MAF: variants seen among roughly 807,000 people sequenced by gnomAD.
MAF encodes the protein MAF bZIP transcription factor, also known as transcription factor Maf.
In MAF, 10 loss-of-function variants were observed where a neutral mutation model predicts 22.0. That is an observed-to-expected ratio of 0.45 (90% CI 0.28 to 0.77). MAF has a LOEUF of 0.77. MAF is among the 30% of genes least tolerant of loss of function. MAF has a pLI of 0.12. For synonymous variants in MAF, 337 were observed against 255.8 expected (o/e 1.32, Z -3.03); for missense variants, 544 against 548.4 (o/e 0.99, Z 0.08).
At chr16:79,436,628 C>CA in the MAF span, among the ~76,000 whole-genome samples, 38 of 152,178 alleles carry the variant, frequency 2.5e-4, no homozygotes, top group African/African-American at 9.2e-4. Context: ...TGGGTTTCAC[C>CA]AAATTGAGAT....
At chr16:79,562,098 C>G in the MAF span, among the ~76,000 whole-genome samples, 1 of 152,200 alleles carries the variant, frequency 6.6e-6, no homozygotes, top group Non-Finnish European at 1.5e-5. Flanking sequence ...AACATTCCCC[C>G]TTTCCATCCC....
At chr16:79,423,262 G>T in the MAF span, among the ~76,000 whole-genome samples, 1 of 152,112 alleles carries the variant, frequency 6.6e-6, no homozygotes, top group Non-Finnish European at 1.5e-5. Flanking sequence ...GCTAAATCTG[G>T]TGAACCTGTT....
At chr16:79,277,638 G>A in the MAF span, among the ~76,000 whole-genome samples, 15 of 152,200 alleles carry the variant, frequency 9.9e-5, no homozygotes, top group African/African-American at 3.4e-4. Context: ...ATGAAGTAGT[G>A]GATGGCTTTA....
At position 79,600,018 on chromosome 16, in the gene MAF, T is replaced by A; in HGVS notation, c.-116A>T. On this transcript the variant is annotated 5_prime_UTR_variant, in exon 1 of 2. Transcript: ENST00000326043. ...AGCCAGCTTGCCGGGCTGGGGCGCTTCTAGCTTGCGCGGCGGTGGCTGGCC... is the reference window on the plus strand; with the variant it reads ...AGCCAGCTTGCCGGGCTGGGGCGCTACTAGCTTGCGCGGCGGTGGCTGGCC... The A allele has an allele frequency of 6.8e-7, 1 of 1,461,562 alleles. No homozygotes were observed. Among genetic ancestry groups the A allele is most frequent in the South Asian group, 1.2e-5 (1 of 84,190 alleles). The allele number at this position is 1,461,562 out of a possible 1,614,324, so 90.5% of individuals were successfully genotyped here.
the MAF span, among the ~76,000 whole-genome samples, chr16:79,259,668 C>T: frequency 6.6e-6 from 1 of 152,090 alleles, no homozygotes; most frequent in Non-Finnish European, 1.5e-5. Context: ...ATTTGCTTCC[C>T]CAGAGAAGAA....
At chr16:79,337,082 C>T in the MAF span, among the ~76,000 whole-genome samples, 6 of 152,104 alleles carry the variant, frequency 3.9e-5, no homozygotes, top group Admixed American at 3.3e-4. Flanking sequence ...CATACAAAAC[C>T]CTGCAATTGT....
the MAF span, among the ~76,000 whole-genome samples, chr16:79,222,338 C>A: frequency 6.6e-6 from 1 of 152,060 alleles, no homozygotes; most frequent in African/African-American, 2.4e-5. Context: ...CTGAAGAAAG[C>A]ACTAAACATG....
At chr16:79,216,192 G>A in the MAF span, among the ~76,000 whole-genome samples, 49 of 151,044 alleles carry the variant, frequency 3.2e-4, no homozygotes, top group Non-Finnish European at 2.5e-4. Context: ...TATATATGTC[G>A]TGCACATCTG....
chr16:79,431,921 C>A, the MAF span, among the ~76,000 whole-genome samples: 1 of 152,182 alleles, frequency 6.6e-6, no homozygotes, highest in Non-Finnish European at 1.5e-5. Context: ...ATGCTGAAGA[C>A]TGAGCTGCCA....
At chr16:79,268,194 T>A in the MAF span, among the ~76,000 whole-genome samples, 11 of 152,090 alleles carry the variant, frequency 7.2e-5, no homozygotes, top group Admixed American at 4.6e-4. Flanking sequence ...TTCCCAGCCC[T>A]GGGGTTGGAA....
the MAF span, among the ~76,000 whole-genome samples, chr16:79,425,982 G>A: frequency 6.6e-5 from 10 of 152,174 alleles, no homozygotes; most frequent in South Asian, 4.1e-4. Context: ...TGACACAGGC[G>A]GATCACCAGA....
the MAF span, among the ~76,000 whole-genome samples, chr16:79,493,138 T>TTG: frequency 6.9e-6 from 1 of 144,244 alleles, no homozygotes; most frequent in East Asian, 1.9e-4. Flanking sequence ...TTCTGTTTTT[T>TTG]TTTTGTTTTG....
At chr16:79,327,093 A>T in the MAF span, among the ~76,000 whole-genome samples, 2 of 152,232 alleles carry the variant, frequency 1.3e-5, no homozygotes, top group Non-Finnish European at 2.9e-5. Flanking sequence ...AGGGGGTGGC[A>T]TGCAGTACAG....
the MAF span, among the ~76,000 whole-genome samples, chr16:79,312,877 G>C: frequency 1.3e-5 from 2 of 152,144 alleles, no homozygotes; most frequent in African/African-American, 2.4e-5. Context: ...CTGGGGAAGG[G>C]TCTGTTTTAT....
At chr16:79,231,143 T>G in the MAF span, among the ~76,000 whole-genome samples, 14 of 152,070 alleles carry the variant, frequency 9.2e-5, no homozygotes, top group African/African-American at 3.4e-4. Context: ...GCCACGATAC[T>G]GTCTCCACCT....
the MAF span, among the ~76,000 whole-genome samples, chr16:79,557,161 A>T: frequency 8.7e-6 from 1 of 115,482 alleles, no homozygotes; most frequent in Non-Finnish European, 2.0e-5. Context: ...GACTTCAGCA[A>T]GTGTAGTTTT....
chr16:79,455,429 G>C, the MAF span, among the ~76,000 whole-genome samples: 1 of 152,166 alleles, frequency 6.6e-6, no homozygotes, highest in Non-Finnish European at 1.5e-5. Context: ...TCTAAACCCA[G>C]TAGACTAGTA....
At chr16:79,226,439 G>C in the MAF span, among the ~76,000 whole-genome samples, 1 of 152,086 alleles carries the variant, frequency 6.6e-6, no homozygotes, top group Non-Finnish European at 1.5e-5. Context: ...ATGACGGGTT[G>C]ATGGGTGCAA....
chr16:79,251,316 C>CT, the MAF span, among the ~76,000 whole-genome samples: 47,756 of 131,296 alleles, frequency 0.36, 10,161 homozygotes, highest in Non-Finnish European at 0.48. Flanking sequence ...AAGTCTTTAT[C>CT]TTTTTTTTTT....
Sources: gnomAD v4.1 joint callset for allele counts (sites outside exome capture counted in the v4.1 genomes callset) on GRCh38, gnomAD v4.1.1 for gene constraint, MANE v1.5 for transcripts, NCBI Gene and HGNC (gene_info 2026-07-23, HGNC 2026-07-21) for gene names.